Variants in RALGAPA2 observed in about 807,000 individuals in gnomAD.
The protein encoded by RALGAPA2 is ral GTPase-activating protein subunit alpha-2.
A neutral mutation model predicts 230.4 loss-of-function variants in RALGAPA2; 139 were observed. The observed-to-expected ratio is 0.60, with a 90% CI of 0.53 to 0.69. The LOEUF (loss-of-function observed/expected upper bound fraction) is 0.69. Among genes scored for constraint, RALGAPA2 ranks in the 30% least tolerant of loss-of-function variants. The probability of loss-of-function intolerance (pLI) is 0.00; values close to 1 mark genes in which losing one functional copy is unlikely to be tolerated. For synonymous variants in RALGAPA2, 847 were observed against 837.8 expected (o/e 1.01, Z -0.19); for missense variants, 2,163 against 2,276.0 (o/e 0.95, Z 1.01).
intron 24 of RALGAPA2, among the ~76,000 whole-genome samples, chr20:20,545,254 G>A (rs2063750238): frequency 6.6e-6 from 1 of 151,654 alleles, no homozygotes. Context: ...AAGAGATGGG[G>A]TCTTGTTATG....
chr20:20,653,551 G>A lies in RALGAPA2; in HGVS notation c.307C>T (p.Arg103Ter), dbSNP rs267605852. The A allele has an allele frequency of 4.0e-6, 6 of 1,498,302 alleles. No homozygotes were observed. The highest frequency in any genetic ancestry group is 3.6e-6 in the Non-Finnish European group (4 of 1,103,438). The allele number at this position is 1,498,302 out of a possible 1,614,324, so 92.8% of individuals were successfully genotyped here. Residue 103 changes from arginine to a stop codon, truncating the protein, a stop_gained, in exon 4 of 40, where the codon CGA becomes TGA. Transcript: ENST00000202677. LOFTEE classifies it high-confidence loss of function. ...TTACCTATACTCTGGTAATGCCATC[G>A]AAAGAAAATTCGTTCAGGTAGAAAC... ...LQFLPERIFF[R>*]WHYQSIGSTL...
intron 39 of RALGAPA2, among the ~76,000 whole-genome samples, chr20:20,394,405 C>CA: frequency 6.6e-6 from 1 of 152,188 alleles, no homozygotes; most frequent in South Asian, 2.1e-4. Context: ...CAGCCGGGCG[C>CA]GGTGGGCGGA....
chr20:20,436,584 C>T (rs946567239), intron 37 of RALGAPA2, among the ~76,000 whole-genome samples: 8 of 152,206 alleles, frequency 5.3e-5, no homozygotes, highest in African/African-American at 1.9e-4. Flanking sequence ...GACACAAAGG[C>T]ATAGAACACC....
intron 39 of RALGAPA2, 109 bp downstream of exon 39, chr20:20,396,586 G>A: frequency 1.9e-6 from 2 of 1,031,594 alleles, no homozygotes; most frequent in Non-Finnish European, 2.8e-6. Context: ...GCCCAGGAGG[G>A]CGAGGAGCAC....
intron 4 of RALGAPA2, among the ~76,000 whole-genome samples, chr20:20,645,301 A>G (rs924314354): frequency 6.6e-6 from 1 of 151,468 alleles, no homozygotes; most frequent in Non-Finnish European, 1.5e-5. Context: ...TTTAGTAGAG[A>G]TGGGGTTTCA....
intron 36 of RALGAPA2, among the ~76,000 whole-genome samples, chr20:20,492,748 C>T (rs956323985): frequency 4.6e-5 from 7 of 152,098 alleles, no homozygotes; most frequent in African/African-American, 7.2e-5. Flanking sequence ...GCATCTGGGA[C>T]GCGTGGAATG....
chr20:20,640,569 GT>G, intron 6 of RALGAPA2, 131 bp downstream of exon 6: 1 of 864,714 alleles, frequency 1.2e-6, no homozygotes. Flanking sequence ...AGAATCTACA[GT>G]GAATATGAAA....
Position 20,605,527 on chromosome 20 carries a change from T to C in RALGAPA2, c.1801-115A>G. The C allele has an allele frequency of 7.2e-6, 6 of 829,658 alleles. No individual in the cohort carries two copies. The South Asian group carries it at 9.7e-5, about 13-fold the overall frequency. 51.4% of individuals were successfully genotyped at this position (829,658 alleles called of 1,614,324 possible). A position where few individuals can be genotyped will look rare whatever the true frequency, so the allele number is the denominator to read the frequency against. On this transcript the variant is annotated intron_variant, in intron 14 of 39. Transcript: ENST00000202677. Reference sequence around the variant, plus strand: ...ACACAAATTTTAAAATAAAAAGTACTTTTGGAAGTTGTTTTTCTTTTAATT... The same window carrying C: ...ACACAAATTTTAAAATAAAAAGTACCTTTGGAAGTTGTTTTTCTTTTAATT...
chr20:20,523,177 G>C (rs2063096893), intron 30 of RALGAPA2, among the ~76,000 whole-genome samples: 1 of 152,034 alleles, frequency 6.6e-6, no homozygotes, highest in Non-Finnish European at 1.5e-5. Context: ...TTATTCAGTG[G>C]ACATGCAAAT....
chr20:20,454,201 A>G (rs1372568503), intron 37 of RALGAPA2, among the ~76,000 whole-genome samples: 2 of 152,250 alleles, frequency 1.3e-5, no homozygotes, highest in Non-Finnish European at 2.9e-5. Context: ...AAGTGGCCTT[A>G]AAGGTGAGAT....
rs914671520 is a variant in RALGAPA2 at position 20,392,894 on chromosome 20, C to T, written c.*395G>A. On this transcript the variant is annotated 3_prime_UTR_variant, in exon 40 of 40. Coordinates refer to ENST00000202677, the MANE Select transcript of RALGAPA2 (RefSeq NM_020343.4). ...CTGCCCTCTGCCCCCTCCCTGAAAGCGCAGAATCTTTTCCTGCTGTCATCT... is the reference window on the plus strand; with the variant it reads ...CTGCCCTCTGCCCCCTCCCTGAAAGTGCAGAATCTTTTCCTGCTGTCATCT... 5.6e-5 allele frequency: 19 copies of T among 339,966 alleles called. No individual in the cohort carries two copies. The highest frequency in any genetic ancestry group is 9.0e-5 in the Non-Finnish European group (17 of 189,162). 21.1% of individuals were successfully genotyped at this position (339,966 alleles called of 1,614,324 possible).
intron 37 of RALGAPA2, among the ~76,000 whole-genome samples, chr20:20,462,419 C>A (rs2061323699): frequency 6.6e-6 from 1 of 152,212 alleles, no homozygotes; most frequent in South Asian, 2.1e-4. Flanking sequence ...ACCTGATCAT[C>A]ACGGAGGAGA....
In RALGAPA2 at chr20:20,524,478, G is replaced by A. The variant is rs1487288269; in HGVS notation, c.3828C>T (p.Leu1276=). 6.2e-7 allele frequency: 1 copy of A among 1,613,794 alleles called. No individual in the cohort carries two copies. The highest frequency in any genetic ancestry group is 1.3e-5 in the African/African-American group (1 of 74,926). Residue 1276 remains leucine, a synonymous_variant, in exon 30 of 40, where the codon CTC becomes CTT. Transcript: ENST00000202677. ...WCMALPVSVL[L]HPVSTAVLEE... ...CTAGGACTGCTGTGGACACGGGGTG[G>A]AGAAGGACACTCACGGGCAATGCCA... is the stretch of plus-strand genomic sequence containing the variant.
chr20:20,513,243 G>C lies in RALGAPA2; in HGVS notation c.4126C>G (p.Arg1376Gly). Residue 1376 changes from arginine to glycine, a missense_variant, in exon 32 of 40, where the codon CGA (arginine) becomes GGA (glycine). Coordinates refer to ENST00000202677, the MANE Select transcript of RALGAPA2 (RefSeq NM_020343.4). ...TTCACCAGGTGGGCCATCACCATTC[G>C]AGCAGTCAAAGGGATCAACTCCAAA... The part of the protein sequence containing the change: ...RSLELIPLTA[R>G]MVMAHLVNHL... The C allele has an allele frequency of 6.6e-7, 1 of 1,504,170 alleles. No homozygotes were observed. The highest frequency in any genetic ancestry group is 8.9e-7 in the Non-Finnish European group (1 of 1,128,270). The allele number at this position is 1,504,170 out of a possible 1,614,324, so 93.2% of individuals were successfully genotyped here.
At chr20:20,458,552 T>A (rs1386544564) in intron 37 of RALGAPA2, among the ~76,000 whole-genome samples, 6 of 134,030 alleles carry the variant, frequency 4.5e-5, no homozygotes, top group Non-Finnish European at 6.2e-5. Flanking sequence ...TATATGTATT[T>A]TATATATATT....
chr20:20,652,867 AT>A (rs2067452690), intron 4 of RALGAPA2, among the ~76,000 whole-genome samples: 2 of 152,052 alleles, frequency 1.3e-5, no homozygotes, highest in African/African-American at 4.8e-5. Context: ...AAAGAGAATA[AT>A]TTTCAGTCAA....
intron 3 of RALGAPA2, among the ~76,000 whole-genome samples, chr20:20,671,346 T>C (rs1176799565): frequency 6.6e-6 from 1 of 152,248 alleles, no homozygotes; most frequent in Non-Finnish European, 1.5e-5. Context: ...TTCTTATTTA[T>C]AGAATATCTC....
intron 1 of RALGAPA2, among the ~76,000 whole-genome samples, chr20:20,690,405 T>C (rs1250642414): frequency 6.6e-6 from 1 of 152,048 alleles, no homozygotes; most frequent in Non-Finnish European, 1.5e-5. Flanking sequence ...GAAGTAATCA[T>C]TGACCACCCC....
chr20:20,688,528 C>A (rs1479116185), intron 1 of RALGAPA2, among the ~76,000 whole-genome samples: 4 of 152,162 alleles, frequency 2.6e-5, no homozygotes, highest in Non-Finnish European at 5.9e-5. Context: ...GAAGGAAGCA[C>A]AGAGTCCCCT....
Sources: allele counts gnomAD v4.1 joint callset (sites outside exome capture counted in the v4.1 genomes callset), GRCh38; gene constraint gnomAD v4.1.1; transcripts MANE v1.5; gene names NCBI Gene and HGNC (gene_info 2026-07-23, HGNC 2026-07-21).